RPAP3: variants seen among roughly 807,000 people sequenced by gnomAD.
RPAP3 encodes the protein RNA polymerase II associated protein 3.
In RPAP3, 58 loss-of-function variants were observed where a neutral mutation model predicts 88.8. That is an observed-to-expected ratio of 0.65 (90% CI 0.53 to 0.81). RPAP3 has a LOEUF of 0.81. Among genes scored for constraint, RPAP3 ranks in the 40% least tolerant of loss-of-function variants. RPAP3 has a pLI of 0.00. For synonymous variants in RPAP3, 255 were observed against 259.9 expected (o/e 0.98, Z 0.18); for missense variants, 751 against 764.3 (o/e 0.98, Z 0.20).
In RPAP3 at chr12:47,668,991, A is replaced by T. The variant is rs1165666685; in HGVS notation, c.1638T>A (p.Pro546=). 1 of 1,613,994 alleles carries T rather than the reference A, an allele frequency of 6.2e-7. No homozygotes were observed. Residue 546 remains proline (P), a synonymous_variant, in exon 14 of 17, where the codon CCT becomes CCA. Transcript: ENST00000005386. ...CAGATTCGAGCTGGAACGAGTTTGCAGGAATTGGAGGAAGAACAGTTGTGG... is the reference window on the plus strand; with the variant it reads ...CAGATTCGAGCTGGAACGAGTTTGCTGGAATTGGAGGAAGAACAGTTGTGG... ...QFATTVLPPI[P]ANSFQLESDF... is the part of the protein sequence containing the mutation.
In RPAP3 at chr12:47,697,342, ATAT is replaced by A. The variant is rs529592877; in HGVS notation, c.417+252_417+254del. Among the ~76,000 whole-genome samples the A allele has an allele frequency of 2.1e-3, 318 of 152,330 alleles. 2 individuals are homozygous for A. The highest frequency in any genetic ancestry group is 7.1e-3 in the African/African-American group (296 of 41,578). ...CCATAAGAACCCGTTGAGGTTGGTA[ATAT>A]TATCATTTTGCAGATGAGAAAACTG... On this transcript the variant is annotated intron_variant, in intron 4 of 16. Transcript: ENST00000005386.
In RPAP3 at chr12:47,697,717, G is replaced by T. The variant is rs1939562333; in HGVS notation, c.297C>A (p.Asp99Glu). The T allele has an allele frequency of 3.1e-6, 5 of 1,588,932 alleles. No homozygotes were observed. Among genetic ancestry groups the T allele is most frequent in the Non-Finnish European group, 4.3e-6 (5 of 1,172,726 alleles). The change falls in exon 4 of 17, where the codon GAC (aspartate) becomes GAA (glutamate). Residue 99 changes from aspartate to glutamate, a missense_variant and splice_region_variant. By Grantham distance (45) the Asp-to-Glu change is conservative. Transcript: ENST00000005386. ...DYEAWAKLDVDRILDELDKDD... is the reference protein window; with the variant it reads ...DYEAWAKLDVERILDELDKDD... ...CTTTGTCAAGCTCATCAAGGATACGGTCCTAAAATCAAAAGACGGAAAACA... is the reference window on the plus strand; with the variant it reads ...CTTTGTCAAGCTCATCAAGGATACGTTCCTAAAATCAAAAGACGGAAAACA...
chr12:47,668,641 G>A (rs923290762), intron 14 of RPAP3, among the ~76,000 whole-genome samples: 1 of 152,070 alleles, frequency 6.6e-6, no homozygotes, highest in Non-Finnish European at 1.5e-5. Flanking sequence ...ATGTATTTTA[G>A]GGTTTTTTTT....
In RPAP3 at chr12:47,702,814, T is replaced by G. The variant is rs1051630838; in HGVS notation, c.27A>C (p.Glu9Asp). 1 of 1,613,250 alleles carries G rather than the reference T, an allele frequency of 6.2e-7. No individual in the cohort carries two copies. The highest frequency in any genetic ancestry group is 8.5e-7 in the Non-Finnish European group (1 of 1,179,726). The change falls in exon 2 of 17, where the codon GAA becomes GAC. Residue 9 changes from glutamate (E) to aspartate (D), a missense_variant. By Grantham distance (45) the Glu-to-Asp change is conservative. Transcript: ENST00000005386. The part of the protein sequence containing the change: MTSANKAI[E>D]LQLQVKQNAE... Reference sequence around the variant, plus strand: ...CATTTTGTTTCACTTGTAGTTGTAATTCGATTGCTTTATTTGCTGAAGTCA... The same window carrying G: ...CATTTTGTTTCACTTGTAGTTGTAAGTCGATTGCTTTATTTGCTGAAGTCA...
Position 47,663,410 on chromosome 12 carries a change from G to C in RPAP3, c.*95C>G. The stretch of plus-strand genomic sequence containing the variant: ...TTATGTTCAAAGATAGTCCTTTCCT[G>C]CTATATAATTTCATTTTCTTAAAAA... On this transcript the variant is annotated 3_prime_UTR_variant, in exon 17 of 17. Transcript: ENST00000005386. 1.4e-6 allele frequency: 1 copy of C among 732,972 alleles called. No individual in the cohort carries two copies. Among genetic ancestry groups the C allele is most frequent in the Middle Eastern group, 2.8e-4 (1 of 3,620 alleles). 45.4% of individuals were successfully genotyped at this position (732,972 alleles called of 1,614,324 possible). A position where few individuals can be genotyped will look rare whatever the true frequency, so the allele number is the denominator to read the frequency against.
chr12:47,681,063 A>C (rs945117612), intron 10 of RPAP3, among the ~76,000 whole-genome samples: 1 of 151,820 alleles, frequency 6.6e-6, no homozygotes, highest in Non-Finnish European at 1.5e-5. Context: ...CACAAACTGA[A>C]TTTCCACCAA....
intron 12 of RPAP3, among the ~76,000 whole-genome samples, chr12:47,675,293 A>T (rs1048024360): frequency 7.2e-5 from 11 of 152,224 alleles, no homozygotes; most frequent in African/African-American, 2.7e-4. Context: ...CTGCAAAAAC[A>T]GGCCAAATTG....
Position 47,670,243 on chromosome 12 carries a change from T to A in RPAP3, c.1390A>T (p.Asn464Tyr). 6.2e-7 allele frequency: 1 copy of A among 1,613,558 alleles called. No homozygotes were observed. Among genetic ancestry groups the A allele is most frequent in the Non-Finnish European group, 8.5e-7 (1 of 1,179,520 alleles). ...TAAAPENNPI[N>Y]LANVIAATGT... Reference sequence around the variant, plus strand: ...GTGGCTGCTATTACATTTGCTAGATTAATAGGATTATTCTCTGGAGCAGCA... The same window carrying A: ...GTGGCTGCTATTACATTTGCTAGATAAATAGGATTATTCTCTGGAGCAGCA... The change falls in exon 13 of 17, where the codon AAT (asparagine) becomes TAT (tyrosine). Residue 464 changes from asparagine to tyrosine, a missense_variant. By Grantham distance (143) the Asn-to-Tyr change is moderately radical. Coordinates refer to ENST00000005386, the MANE Select transcript of RPAP3 (RefSeq NM_024604.3).
chr12:47,705,474 T>A (rs1371385926), intron 1 of RPAP3, among the ~76,000 whole-genome samples: 1 of 152,164 alleles, frequency 6.6e-6, no homozygotes, highest in Non-Finnish European at 1.5e-5. Flanking sequence ...TTAGATGCTT[T>A]TCCATTTCAC....
At chr12:47,678,537 C>CA (rs1939161059) in intron 12 of RPAP3, among the ~76,000 whole-genome samples, 1 of 151,438 alleles carries the variant, frequency 6.6e-6, no homozygotes, top group Non-Finnish European at 1.5e-5. Context: ...ACAAAGAACT[C>CA]AAACAAATTT....
At chr12:47,704,338 A>G (rs545581682) in intron 1 of RPAP3, among the ~76,000 whole-genome samples, 173 of 152,288 alleles carry the variant, frequency 1.1e-3, no homozygotes, top group African/African-American at 4.0e-3. Context: ...AAGAAAGTGC[A>G]TTATATTTAG....
intron 16 of RPAP3, among the ~76,000 whole-genome samples, chr12:47,664,307 G>A (rs1047192974): frequency 6.6e-5 from 10 of 152,046 alleles, no homozygotes; most frequent in African/African-American, 1.4e-4. Context: ...GGAGAATGGC[G>A]TGAACCCAGG....
chr12:47,667,345 T>C (rs1565712466), intron 15 of RPAP3, among the ~76,000 whole-genome samples: 1 of 152,192 alleles, frequency 6.6e-6, no homozygotes, highest in African/African-American at 2.4e-5. Context: ...TACAAAAAAA[T>C]TAGAGTCCTT....
At chr12:47,672,711 T>C (rs769925608) in intron 12 of RPAP3, among the ~76,000 whole-genome samples, 4 of 152,336 alleles carry the variant, frequency 2.6e-5, no homozygotes, top group South Asian at 2.1e-4. Flanking sequence ...TTTGTTGATT[T>C]TGGATCATTT....
chr12:47,674,149 G>A (rs867690152), intron 12 of RPAP3, among the ~76,000 whole-genome samples: 1 of 151,260 alleles, frequency 6.6e-6, no homozygotes, highest in African/African-American at 2.4e-5. Context: ...CGAGTTAGGG[G>A]GCGTTCCAAG....
intron 5 of RPAP3, chr12:47,695,940 G>A (rs932967990): frequency 8.9e-5 from 15 of 167,852 alleles, no homozygotes; most frequent in Non-Finnish European, 2.5e-5. Context: ...ATTAAATAGT[G>A]GATAAATGGT....
chr12:47,665,246 G>A (rs1157260464), intron 16 of RPAP3, among the ~76,000 whole-genome samples: 2 of 151,506 alleles, frequency 1.3e-5, no homozygotes, highest in Admixed American at 1.3e-4. Context: ...ACAGGTGTCT[G>A]CCACCACGCC....
chr12:47,689,227 A>T, intron 6 of RPAP3, 32 bp from the exon 7 acceptor site: 2 of 886,460 alleles, frequency 2.3e-6, no homozygotes, highest in Non-Finnish European at 3.5e-6. Flanking sequence ...AAAAATTTTT[A>T]AAGATAGGTA....
Position 47,682,706 on chromosome 12 carries a change from T to C in RPAP3, c.993-889A>G, listed in dbSNP as rs144491119. 2.0e-3 allele frequency among the ~76,000 whole-genome samples: 302 copies of C among 151,130 alleles called. 1 individual carries two copies. Among genetic ancestry groups the C allele is most frequent in the Non-Finnish European group, 3.8e-3 (257 of 67,808 alleles). ...AAAAAAAAAAAAAACACTCCTGTAATTGCATTCTCCCCAAGGCCTAAATGG... is the reference window on the plus strand; with the variant it reads ...AAAAAAAAAAAAAACACTCCTGTAACTGCATTCTCCCCAAGGCCTAAATGG... On this transcript the variant is annotated intron_variant, in intron 9 of 16. Coordinates refer to ENST00000005386, the MANE Select transcript of RPAP3 (RefSeq NM_024604.3).
Sources: allele counts gnomAD v4.1 joint callset (sites outside exome capture counted in the v4.1 genomes callset), GRCh38; gene constraint gnomAD v4.1.1; transcripts MANE v1.5; gene names NCBI Gene and HGNC (gene_info 2026-07-23, HGNC 2026-07-21).